The following XRCC4 variants were observed in gnomAD, a reference collection of about 807,000 sequenced individuals.
XRCC4 encodes DNA repair protein XRCC4.
Under a neutral mutation model 39.1 loss-of-function variants are expected in XRCC4, and 28 were observed. The ratio of observed to expected loss-of-function variants is 0.72; its 90% CI spans 0.53 to 0.98. XRCC4 has a LOEUF of 0.98. XRCC4 is among the 50% of genes least tolerant of loss of function. XRCC4 has a pLI of 0.00. For synonymous variants in XRCC4, 123 were observed against 126.4 expected (o/e 0.97, Z 0.18); for missense variants, 350 against 376.4 (o/e 0.93, Z 0.58).
intron 7 of XRCC4, among the ~76,000 whole-genome samples, chr5:83,316,110 TA>T (rs1755873747): frequency 1.3e-5 from 2 of 152,162 alleles, no homozygotes; most frequent in African/African-American, 4.8e-5. Context: ...TGTGGATGAT[TA>T]GGGGGTTCAA....
chr5:83,361,354 T>C, the XRCC4 span, among the ~76,000 whole-genome samples: 2 of 152,164 alleles, frequency 1.3e-5, no homozygotes, highest in African/African-American at 4.8e-5. Flanking sequence ...TGAGTTTCTG[T>C]AGGATATATT....
At chr5:83,356,339 C>A (rs1027093352), downstream of XRCC4, among the ~76,000 whole-genome samples, 3 of 151,880 alleles carry the variant, frequency 2.0e-5, no homozygotes, top group Admixed American at 6.6e-5. Flanking sequence ...ATCTATCTAT[C>A]TATATATATA....
intron 6 of XRCC4, among the ~76,000 whole-genome samples, chr5:83,235,003 A>G (rs1050941469): frequency 6.5e-4 from 99 of 151,652 alleles, no homozygotes; most frequent in African/African-American, 2.3e-3. Flanking sequence ...TAATATTATT[A>G]TTATTTTTAT....
At chr5:83,214,698 A>G (rs567956987) in intron 6 of XRCC4, among the ~76,000 whole-genome samples, 5 of 151,746 alleles carry the variant, frequency 3.3e-5, no homozygotes, top group Non-Finnish European at 4.4e-5. Flanking sequence ...TTAGCCGGGC[A>G]TCGTGTGGGC....
chr5:83,155,575 T>C (rs772477740), intron 3 of XRCC4, among the ~76,000 whole-genome samples: 2 of 152,130 alleles, frequency 1.3e-5, no homozygotes, highest in Non-Finnish European at 2.9e-5. Flanking sequence ...GAAGATTCAT[T>C]GTAGACTAGC....
intron 3 of XRCC4, among the ~76,000 whole-genome samples, chr5:83,155,774 A>T (rs941720124): frequency 6.6e-6 from 1 of 152,160 alleles, no homozygotes; most frequent in African/African-American, 2.4e-5. Context: ...CAGTACCAAG[A>T]CAAAACCTAA....
intron 3 of XRCC4, among the ~76,000 whole-genome samples, chr5:83,156,906 T>C (rs1748991071): frequency 6.6e-6 from 1 of 152,042 alleles, no homozygotes. Flanking sequence ...CCTCTAAATG[T>C]GGACGTATAA....
intron 6 of XRCC4, among the ~76,000 whole-genome samples, chr5:83,207,375 T>C (rs1484475674): frequency 6.6e-6 from 1 of 152,108 alleles, no homozygotes; most frequent in South Asian, 2.1e-4. Flanking sequence ...CAGAAATGTT[T>C]AGTTTATTTC....
At chr5:83,081,107 C>G (rs7720588) in intron 1 of XRCC4, among the ~76,000 whole-genome samples, 1 of 151,950 alleles carries the variant, frequency 6.6e-6, no homozygotes, top group Non-Finnish European at 1.5e-5. Context: ...AGCCTCCTCA[C>G]GGGGCCTTGG....
chr5:83,240,517 T>TA (rs1752867079), intron 6 of XRCC4, among the ~76,000 whole-genome samples: 1 of 152,208 alleles, frequency 6.6e-6, no homozygotes, highest in Non-Finnish European at 1.5e-5. Flanking sequence ...GGAGGCATTC[T>TA]GACTTTTAGG....
intron 1 of XRCC4, among the ~76,000 whole-genome samples, chr5:83,096,907 C>T (rs1016523410): frequency 6.6e-6 from 1 of 152,148 alleles, no homozygotes; most frequent in African/African-American, 2.4e-5. Flanking sequence ...TCCCACTCGT[C>T]ATGCAATGGA....
intron 1 of XRCC4, among the ~76,000 whole-genome samples, chr5:83,098,523 G>C (rs1045379927): frequency 5.9e-5 from 9 of 152,128 alleles, no homozygotes; most frequent in African/African-American, 2.2e-4. Context: ...TAGTAATCCT[G>C]TGAATTCTTT....
At chr5:83,178,974 G>A (rs534311095) in intron 3 of XRCC4, among the ~76,000 whole-genome samples, 12 of 152,038 alleles carry the variant, frequency 7.9e-5, no homozygotes, top group Non-Finnish European at 1.6e-4. Context: ...TTCCCCTTGC[G>A]TGGCTAGCTC....
intron 6 of XRCC4, among the ~76,000 whole-genome samples, chr5:83,244,389 G>A (rs1322749646): frequency 6.6e-6 from 1 of 152,138 alleles, no homozygotes; most frequent in Admixed American, 6.6e-5. Flanking sequence ...GGTGGGTCTA[G>A]ACCTTTTAGG....
rs1355340817 is a variant in XRCC4, at chr5:83,353,570, A to G, written c.*328A>G. 1.2e-5 allele frequency: 2 copies of G among 168,920 alleles called. No homozygotes were observed. The highest frequency in any genetic ancestry group is 2.5e-5 in the Non-Finnish European group (2 of 79,600). The allele number at this position is 168,920 out of a possible 1,614,324, so 10.5% of individuals were successfully genotyped here. A position where few individuals can be genotyped will look rare whatever the true frequency, so the allele number is the denominator to read the frequency against. On this transcript the variant is annotated 3_prime_UTR_variant, in exon 8 of 8. Coordinates refer to ENST00000396027, the MANE Select transcript of XRCC4 (RefSeq NM_003401.5). Reference sequence around the variant, plus strand: ...ATAGCTGTCCAACATCCTGTCTGGGAAGATTTTGAAAACAGGACAAAGAAA... The same window carrying G: ...ATAGCTGTCCAACATCCTGTCTGGGGAGATTTTGAAAACAGGACAAAGAAA...
chr5:83,337,602 T>C (rs930090834), intron 7 of XRCC4, among the ~76,000 whole-genome samples: 2 of 152,178 alleles, frequency 1.3e-5, no homozygotes, highest in African/African-American at 4.8e-5. Flanking sequence ...CTCTCAGCCT[T>C]GTTTCCACCC....
At chr5:83,171,688 T>A (rs1749732615) in intron 3 of XRCC4, among the ~76,000 whole-genome samples, 1 of 152,160 alleles carries the variant, frequency 6.6e-6, no homozygotes, top group Non-Finnish European at 1.5e-5. Context: ...TTGTAAGCCC[T>A]AGCCTGGAAA....
At position 83,330,682 on chromosome 5, in the gene XRCC4, A is replaced by G. The variant is rs142657525; in HGVS notation, c.894-22449A>G. ...TAGCTTTGCAGGAGTTTAATATACT[A>G]TTATGCCCTATAACATGTATATTAC... On this transcript the variant is annotated intron_variant, in intron 7 of 7. Coordinates refer to ENST00000396027, the MANE Select transcript of XRCC4 (RefSeq NM_003401.5). Among the ~76,000 whole-genome samples, 510 of 152,088 alleles carry G rather than the reference A, an allele frequency of 3.4e-3. 2 individuals are homozygous for G. Among genetic ancestry groups the G allele is most frequent in the African/African-American group, 0.012 (492 of 41,538 alleles).
At chr5:83,091,128 T>G (rs1745406540) in intron 1 of XRCC4, among the ~76,000 whole-genome samples, 1 of 152,194 alleles carries the variant, frequency 6.6e-6, no homozygotes, top group African/African-American at 2.4e-5. Context: ...TAACTGAGGC[T>G]TTATACTCTT....
Sources: gnomAD v4.1 joint callset for allele counts (sites outside exome capture counted in the v4.1 genomes callset) on GRCh38, gnomAD v4.1.1 for gene constraint, MANE v1.5 for transcripts, NCBI Gene and HGNC (gene_info 2026-07-23, HGNC 2026-07-21) for gene names.